Variants in ANKS1B observed in about 807,000 individuals in gnomAD.
The protein encoded by ANKS1B is ankyrin repeat and sterile alpha motif domain-containing protein 1B.
ANKS1B carries 36 observed loss-of-function variants against 148.3 expected under a neutral mutation model. The observed-to-expected ratio is 0.24, with a 90% confidence interval of 0.19 to 0.32. The LOEUF (loss-of-function observed/expected upper bound fraction) is 0.32, where lower values mean the gene tolerates loss of function less well. Among genes scored for constraint, ANKS1B ranks in the 10% least tolerant of loss-of-function variants. The probability of loss-of-function intolerance (pLI) is 1.00; values close to 1 mark genes in which losing one functional copy is unlikely to be tolerated. For synonymous variants in ANKS1B, 542 were observed against 560.8 expected (o/e 0.97, Z 0.47); for missense variants, 1,157 against 1,542.6 (o/e 0.75, Z 4.19).
At chr12:99,337,253 C>A (rs1482011845) in intron 12 of ANKS1B, among the ~76,000 whole-genome samples, 1 of 151,792 alleles carries the variant, frequency 6.6e-6, no homozygotes. Flanking sequence ...GTTATTCTTT[C>A]TTCTGCTTGA....
intron 1 of ANKS1B, among the ~76,000 whole-genome samples, chr12:99,894,310 AGGGAGGGAGGG>A (rs2093280977): frequency 3.0e-5 from 1 of 33,698 alleles, no homozygotes; most frequent in Non-Finnish European, 5.6e-5. Flanking sequence ...GGAGGGAGGG[AGGGAGGGAGGG>A]AGGGAGGGAA....
At chr12:99,651,920 CTA>C (rs1212793732) in intron 9 of ANKS1B, among the ~76,000 whole-genome samples, 16 of 151,204 alleles carry the variant, frequency 1.1e-4, no homozygotes, top group Non-Finnish European at 2.1e-4. Flanking sequence ...TGTGTATATA[CTA>C]TATATATGTA....
At chr12:99,165,440 AC>A (rs1211282517) in intron 14 of ANKS1B, among the ~76,000 whole-genome samples, 2 of 151,916 alleles carry the variant, frequency 1.3e-5, no homozygotes, top group Non-Finnish European at 2.9e-5. Context: ...GAGAGAAGTG[AC>A]AGCAAAAGAG....
At chr12:99,692,668 C>CAAAAA (rs71088139) in intron 8 of ANKS1B, among the ~76,000 whole-genome samples, 1 of 128,430 alleles carries the variant, frequency 7.8e-6, no homozygotes. Flanking sequence ...AAGATTCTGT[C>CAAAAA]AAAAAAAAAA....
intron 1 of ANKS1B, among the ~76,000 whole-genome samples, chr12:99,853,235 T>A (rs1427424541): frequency 6.6e-6 from 1 of 152,140 alleles, no homozygotes; most frequent in Non-Finnish European, 1.5e-5. Flanking sequence ...CTGGAGCTGA[T>A]GCGCTCTTGA....
chr12:98,814,824 A>T (rs373261986), intron 19 of ANKS1B, among the ~76,000 whole-genome samples: 1 of 152,228 alleles, frequency 6.6e-6, no homozygotes, highest in Non-Finnish European at 1.5e-5. Context: ...CCAATAATTT[A>T]ATGTTTACTT....
chr12:99,372,297 T>C (rs927263441), intron 12 of ANKS1B, among the ~76,000 whole-genome samples: 2 of 151,764 alleles, frequency 1.3e-5, no homozygotes, highest in African/African-American at 2.4e-5. Context: ...AGAAAAAATA[T>C]GTCTTAAAAA....
intron 12 of ANKS1B, among the ~76,000 whole-genome samples, chr12:99,330,793 C>A (rs1355135053): frequency 6.6e-6 from 1 of 151,856 alleles, no homozygotes; most frequent in African/African-American, 2.4e-5. Flanking sequence ...AGCTCTAAAC[C>A]CATCTAATGT....
intron 9 of ANKS1B, among the ~76,000 whole-genome samples, chr12:99,597,601 T>C (rs1243175346): frequency 6.6e-6 from 1 of 152,108 alleles, no homozygotes; most frequent in Non-Finnish European, 1.5e-5. Context: ...ATTATTATTT[T>C]AGCAGAATGT....
At chr12:99,430,401 G>C (rs937784502) in intron 11 of ANKS1B, among the ~76,000 whole-genome samples, 7 of 152,188 alleles carry the variant, frequency 4.6e-5, no homozygotes, top group Admixed American at 3.3e-4. Context: ...TATAAGGAAG[G>C]AAGAGCAGAT....
intron 12 of ANKS1B, among the ~76,000 whole-genome samples, chr12:99,375,955 G>A (rs1438153886): frequency 6.6e-6 from 1 of 152,204 alleles, no homozygotes; most frequent in Non-Finnish European, 1.5e-5. Context: ...CTAGAACGTG[G>A]AATATTGTCA....
chr12:99,774,842 C>T (rs2063510154), intron 7 of ANKS1B, among the ~76,000 whole-genome samples: 1 of 151,938 alleles, frequency 6.6e-6, no homozygotes, highest in Non-Finnish European at 1.5e-5. Context: ...GAGATCCTGC[C>T]ATTTGTAACA....
intron 1 of ANKS1B, among the ~76,000 whole-genome samples, chr12:99,982,642 C>T (rs1011961905): frequency 6.6e-6 from 1 of 152,146 alleles, no homozygotes; most frequent in Non-Finnish European, 1.5e-5. Flanking sequence ...CATGTGACTA[C>T]AGGCAATTAT....
intron 17 of ANKS1B, among the ~76,000 whole-genome samples, chr12:98,897,097 C>G (rs1424522956): frequency 6.6e-6 from 1 of 152,172 alleles, no homozygotes; most frequent in African/African-American, 2.4e-5. Flanking sequence ...TGATGGAAAT[C>G]TAATTCTCTG....
intron 14 of ANKS1B, among the ~76,000 whole-genome samples, chr12:99,158,860 G>C (rs968352566): frequency 2.0e-5 from 3 of 152,136 alleles, no homozygotes; most frequent in Non-Finnish European, 2.9e-5. Context: ...CAAGCGGCAT[G>C]GGATCTCATC....
chr12:98,996,363 C>T (rs1310392009), intron 17 of ANKS1B, among the ~76,000 whole-genome samples: 1 of 152,112 alleles, frequency 6.6e-6, no homozygotes, highest in East Asian at 1.9e-4. Context: ...ATTTAAATTT[C>T]CAATGTCATA....
chr12:99,690,940 G>A (rs955112922), intron 8 of ANKS1B, among the ~76,000 whole-genome samples: 4 of 152,058 alleles, frequency 2.6e-5, no homozygotes, highest in Admixed American at 6.5e-5. Context: ...TGCCCCTGTA[G>A]CAAACTTCTG....
chr12:99,838,090 C>T (rs1001625743), intron 1 of ANKS1B, among the ~76,000 whole-genome samples: 11 of 151,918 alleles, frequency 7.2e-5, no homozygotes, highest in Non-Finnish European at 1.5e-4. Flanking sequence ...ATCCAAGTTG[C>T]CAAAGACATT....
intron 25 of ANKS1B, among the ~76,000 whole-genome samples, chr12:98,753,278 A>AC (rs925778417): frequency 1.3e-5 from 2 of 152,154 alleles, no homozygotes; most frequent in African/African-American, 2.4e-5. Context: ...TCACTGAGAA[A>AC]CCATCACATT....
Sources: gnomAD v4.1 joint callset for allele counts (sites outside exome capture counted in the v4.1 genomes callset) on GRCh38, gnomAD v4.1.1 for gene constraint, MANE v1.5 for transcripts, NCBI Gene and HGNC (gene_info 2026-07-23, HGNC 2026-07-21) for gene names.